Variants in ARHGEF19 observed in about 807,000 individuals in gnomAD.
The protein encoded by ARHGEF19 is Rho guanine nucleotide exchange factor (GEF) 19.
Under a neutral mutation model 87.6 loss-of-function variants are expected in ARHGEF19, and 92 were observed. The ratio of observed to expected loss-of-function variants is 1.05; its 90% CI spans 0.89 to 1.25. The LOEUF (loss-of-function observed/expected upper bound fraction) is 1.25. Among genes scored for constraint, ARHGEF19 ranks in the 50% most tolerant of loss-of-function variants. The pLI is 0.00. For missense variants in ARHGEF19, 1,054 were observed against 1,051.8 expected (o/e 1.00, Z -0.03); for synonymous variants, 438 against 446.2 (o/e 0.98, Z 0.23).
In ARHGEF19 at chr1:16,206,481, G is replaced by T; in HGVS notation, c.1138-141C>A. ...CCCACTCCTAATCTGGCGCCGGGCG[G>T]GCCCGGCGACCCACGTCCCGCCGCG... On this transcript the variant is annotated intron_variant, in intron 6 of 15. Transcript: ENST00000270747. This position sits in a 1 kb window ranked among gnomAD's most constrained non-coding sequence, Gnocchi z 4.6. 1.1e-6 allele frequency: 1 copy of T among 933,312 alleles called. No individual in the cohort carries two copies. The highest frequency in any genetic ancestry group is 1.6e-6 in the Non-Finnish European group (1 of 616,282). 57.8% of individuals were successfully genotyped at this position (933,312 alleles called of 1,614,324 possible).
chr1:16,207,271 C>T lies in ARHGEF19; in HGVS notation c.875-61G>A. ...CCCGCCAGCCCCTGCCCGGCTTTTC[C>T]TCGGTTCCCTCAAGAGCCCGCGTCA... On this transcript the variant is annotated intron_variant, in intron 5 of 15. Transcript: ENST00000270747. This position sits in a 1 kb window ranked among gnomAD's most constrained non-coding sequence, Gnocchi z 4.0. 1.4e-6 allele frequency: 2 copies of T among 1,459,344 alleles called. No homozygotes were observed. The highest frequency in any genetic ancestry group is 1.8e-6 in the Non-Finnish European group (2 of 1,111,714). The allele number at this position is 1,459,344 out of a possible 1,614,324, so 90.4% of individuals were successfully genotyped here.
chr1:16,201,079 A>C (rs2081080373), intron 14 of ARHGEF19, among the ~76,000 whole-genome samples: 1 of 152,064 alleles, frequency 6.6e-6, no homozygotes, highest in Admixed American at 6.5e-5. Context: ...TGTGGTATCC[A>C]GGTGTGGTAG....
Position 16,205,035 on chromosome 1 carries a change from G to T in ARHGEF19, c.1746+52C>A, listed in dbSNP as rs1157926082. The T allele has an allele frequency of 2.6e-6, 4 of 1,565,792 alleles. No homozygotes were observed. Among genetic ancestry groups the T allele is most frequent in the Admixed American group, 1.9e-5 (1 of 52,142 alleles). On this transcript the variant is annotated intron_variant, in intron 11 of 15. Coordinates refer to ENST00000270747, the MANE Select transcript of ARHGEF19 (RefSeq NM_153213.5). This position sits in a 1 kb window ranked among gnomAD's most constrained non-coding sequence, Gnocchi z 5.8. ...GGCCTGAAGCCCCCAGGGCAAGGAA[G>T]AAACAAGAGCTGCCCCTTGGGGTCC... is the stretch of plus-strand genomic sequence containing the variant.
chr1:16,204,958 C>A, intron 11 of ARHGEF19, 39 bp from the exon 12 acceptor site: 1 of 1,580,974 alleles, frequency 6.3e-7, no homozygotes, highest in Admixed American at 1.8e-5. Context: ...CCCAGGGGCA[C>A]CAGGCAGAGA....
rs903029812 is a variant in ARHGEF19, at chr1:16,207,839, G to A, written c.695-62C>T. The A allele has an allele frequency of 1.9e-6, 3 of 1,589,396 alleles. No individual in the cohort carries two copies. In the African/African-American group the frequency reaches 4.1e-5, roughly 22 times the overall value. On this transcript the variant is annotated intron_variant, in intron 3 of 15. Coordinates refer to ENST00000270747, the MANE Select transcript of ARHGEF19 (RefSeq NM_153213.5). The surrounding 1 kb of genome is among the most constrained non-coding windows in gnomAD (Gnocchi z 4.0). ...GAGTGGGCCTGGGGCCTGGGCCCCGGCCCAGGCACCCTGACGGCCTCAGGC... is the reference window on the plus strand; with the variant it reads ...GAGTGGGCCTGGGGCCTGGGCCCCGACCCAGGCACCCTGACGGCCTCAGGC...
At chr1:16,202,180 G>A (rs2081088833) in intron 13 of ARHGEF19, among the ~76,000 whole-genome samples, 1 of 152,252 alleles carries the variant, frequency 6.6e-6, no homozygotes, top group African/African-American at 2.4e-5. Flanking sequence ...AGAGGCTGAG[G>A]AGGAGGTGGC....
At chr1:16,202,959 C>T (rs955386587) in intron 12 of ARHGEF19, among the ~76,000 whole-genome samples, 16 of 152,150 alleles carry the variant, frequency 1.1e-4, no homozygotes, top group Admixed American at 9.2e-4. Context: ...TCACCACAAC[C>T]TCCGCCTTCC....
intron 14 of ARHGEF19, 116 bp downstream of exon 14, chr1:16,201,666 C>G: frequency 9.1e-7 from 1 of 1,095,502 alleles, no homozygotes; most frequent in Non-Finnish European, 1.3e-6. Flanking sequence ...CTGACTGCCC[C>G]AGAAGTTGGT....
chr1:16,199,233 A>C lies in ARHGEF19; in HGVS notation c.2168T>G (p.Val723Gly). Residue 723 changes from valine to glycine, a missense_variant, in exon 15 of 16, where the codon GTT becomes GGT. Physicochemically the swap from Val to Gly is moderately radical, Grantham distance 109 (BLOSUM62 -3). Coordinates refer to ENST00000270747, the MANE Select transcript of ARHGEF19 (RefSeq NM_153213.5). ...TGGGTGCAGTGCCTTGTATGTCCTA[A>C]CACACTGAACCTGGGGGCAATCTGA... ...EGEDCPQVQCVRTYKALHPDE... is the reference protein window; with the variant it reads ...EGEDCPQVQCGRTYKALHPDE... 6.2e-7 allele frequency: 1 copy of C among 1,613,852 alleles called. No individual in the cohort carries two copies. Among genetic ancestry groups the C allele is most frequent in the South Asian group, 1.1e-5 (1 of 91,068 alleles).
rs1318859666 is a variant in ARHGEF19 at position 16,206,547 on chromosome 1, C to T, written c.1138-207G>A. On this transcript the variant is annotated intron_variant, in intron 6 of 15. Coordinates refer to ENST00000270747, the MANE Select transcript of ARHGEF19 (RefSeq NM_153213.5). This position sits in a 1 kb window ranked among gnomAD's most constrained non-coding sequence, Gnocchi z 4.6. The stretch of plus-strand genomic sequence containing the variant: ...CTTTCCTGTCCTCGATCCCGCCCCT[C>T]TCCTAAGCCCCGCCCCGACGCGTTC... 5.0e-6 allele frequency: 3 copies of T among 598,530 alleles called. No individual in the cohort carries two copies. The highest frequency in any genetic ancestry group is 8.9e-6 in the Non-Finnish European group (3 of 337,682). The allele number at this position is 598,530 out of a possible 1,614,324, so 37.1% of individuals were successfully genotyped here.
chr1:16,207,263 G>A lies in ARHGEF19; in HGVS notation c.875-53C>T. 1 of 1,464,074 alleles carries A rather than the reference G, an allele frequency of 6.8e-7. No individual in the cohort carries two copies. Among genetic ancestry groups the A allele is most frequent in the South Asian group, 1.4e-5 (1 of 72,334 alleles). The allele number at this position is 1,464,074 out of a possible 1,614,324, so 90.7% of individuals were successfully genotyped here. A position where few individuals can be genotyped will look rare whatever the true frequency, so the allele number is the denominator to read the frequency against. On this transcript the variant is annotated intron_variant, in intron 5 of 15. Coordinates refer to ENST00000270747, the MANE Select transcript of ARHGEF19 (RefSeq NM_153213.5). The surrounding 1 kb of genome is among the most constrained non-coding windows in gnomAD (Gnocchi z 4.0). ...GTGGGGCGCCCGCCAGCCCCTGCCC[G>A]GCTTTTCCTCGGTTCCCTCAAGAGC...
At chr1:16,210,308 C>T (rs962616000) in intron 1 of ARHGEF19, among the ~76,000 whole-genome samples, 4 of 152,054 alleles carry the variant, frequency 2.6e-5, no homozygotes, top group African/African-American at 7.2e-5. Context: ...GCGGGCTGGG[C>T]GGGGGCCTAC....
In ARHGEF19 at chr1:16,207,100, C is replaced by T; in HGVS notation, c.985G>A (p.Gly329Arg). 1 of 1,510,186 alleles carries T rather than the reference C, an allele frequency of 6.6e-7. No individual in the cohort carries two copies. The highest frequency in any genetic ancestry group is 8.8e-7 in the Non-Finnish European group (1 of 1,133,128). The allele number at this position is 1,510,186 out of a possible 1,614,324, so 93.5% of individuals were successfully genotyped here. A position where few individuals can be genotyped will look rare whatever the true frequency, so the allele number is the denominator to read the frequency against. Residue 329 changes from glycine to arginine, a missense_variant, in exon 6 of 16, where the codon GGG becomes AGG. By Grantham distance (125) the Gly-to-Arg change is moderately radical. Transcript: ENST00000270747. This position sits in a 1 kb window ranked among gnomAD's most constrained non-coding sequence, Gnocchi z 4.0. ...GGGGAGAGGTTGGCCCGCGGCGGCC[C>T]CGGCCCCTCCTCTGCGCCCTCGGCC... ...DEAEGAEEGPGPPRANLSPSS... is the reference protein window; with the variant it reads ...DEAEGAEEGPRPPRANLSPSS...
At chr1:16,200,110 C>A (rs1282322717) in intron 14 of ARHGEF19, among the ~76,000 whole-genome samples, 6 of 152,224 alleles carry the variant, frequency 3.9e-5, no homozygotes, top group African/African-American at 1.4e-4. Context: ...ACTCCTAGCT[C>A]AAGCCAGAGC....
intron 15 of ARHGEF19, 29 bp downstream of exon 15, chr1:16,199,121 A>AG (rs763322532): frequency 6.2e-7 from 1 of 1,609,962 alleles, no homozygotes; most frequent in Non-Finnish European, 8.5e-7. Context: ...AAGCCCCATC[A>AG]GGGACACTTT....
Sources: allele counts gnomAD v4.1 joint callset (sites outside exome capture counted in the v4.1 genomes callset), GRCh38; gene constraint gnomAD v4.1.1; non-coding constraint Gnocchi (gnomAD v3.1); transcripts MANE v1.5; gene names NCBI Gene and HGNC (gene_info 2026-07-23, HGNC 2026-07-21).